NDUFS2: variants seen among roughly 807,000 people sequenced by gnomAD.
NDUFS2 encodes the protein NADH dehydrogenase [ubiquinone] iron-sulfur protein 2, mitochondrial.
NDUFS2 carries 38 observed loss-of-function variants against 69.6 expected under a neutral mutation model. The observed-to-expected ratio is 0.55, with a 90% CI of 0.42 to 0.72. The LOEUF is 0.72. Among genes scored for constraint, NDUFS2 ranks in the 30% least tolerant of loss-of-function variants. NDUFS2 has a pLI of 0.00. For synonymous variants in NDUFS2, 194 were observed against 211.2 expected (o/e 0.92, Z 0.70); for missense variants, 468 against 595.0 (o/e 0.79, Z 2.22).
upstream of NDUFS2, chr1:161,199,400 T>C (rs1182004690): frequency 1.3e-5 from 2 of 152,358 alleles, no homozygotes; most frequent in African/African-American, 2.4e-5. Context: ...CCTGCTCTTA[T>C]AGTCTAACCT....
Position 161,209,535 on chromosome 1 carries a change from A to G in NDUFS2, c.567A>G (p.Thr189=). The change falls in exon 5 of 14, where the codon ACA becomes ACG. Residue 189 remains threonine (T), a synonymous_variant. Transcript: ENST00000676972. The stretch of plus-strand genomic sequence containing the variant: ...TGAACCACATCATGGCTGTGACCAC[A>G]CATGCCCTGGACCTTGGGGCCATGA... ...RLLNHIMAVT[T]HALDLGAMTP... 6.2e-7 allele frequency: 1 copy of G among 1,613,678 alleles called. No homozygotes were observed. Among genetic ancestry groups the G allele is most frequent in the African/African-American group, 1.3e-5 (1 of 74,914 alleles).
At chr1:161,197,951 A>G (rs1325643840), upstream of NDUFS2, 116 of 1,521,144 alleles carry the variant, frequency 7.6e-5, no homozygotes, top group Non-Finnish European at 1.0e-4. Context: ...TAGGACAGAC[A>G]TGGCGGGAGG....
At chr1:161,212,121 C>T (rs1483850157) in intron 9 of NDUFS2, among the ~76,000 whole-genome samples, 1 of 151,598 alleles carries the variant, frequency 6.6e-6, no homozygotes, top group Non-Finnish European at 1.5e-5. Flanking sequence ...GGGAGGATCA[C>T]TTGAGCCCCA....
chr1:161,206,866 G>A (rs1665497011), intron 3 of NDUFS2, among the ~76,000 whole-genome samples: 1 of 152,146 alleles, frequency 6.6e-6, no homozygotes, highest in Non-Finnish European at 1.5e-5. Context: ...GCCATTACTT[G>A]AGTGCCTCAG....
At position 161,208,570 on chromosome 1, in the gene NDUFS2, G is replaced by C. The variant is rs565991169; in HGVS notation, c.394-623G>C. Among the ~76,000 whole-genome samples the C allele has an allele frequency of 3.3e-5, 5 of 152,378 alleles. No individual in the cohort carries two copies. In the South Asian group the frequency reaches 1.0e-3, roughly 32 times the overall value. On this transcript the variant is annotated intron_variant, in intron 3 of 13. Transcript: ENST00000676972. ...CCGCCTCGGCCTCCCAAAGTGTTGG[G>C]ATTACAGGCGTGAGCCACGTGCCCG... is the stretch of plus-strand genomic sequence containing the variant.
At chr1:161,200,164 G>C (rs572245383), upstream of NDUFS2, among the ~76,000 whole-genome samples, 1 of 152,208 alleles carries the variant, frequency 6.6e-6, no homozygotes, top group South Asian at 2.1e-4. Context: ...AATTCTCCCT[G>C]GGGCAGGGAG....
In NDUFS2 at chr1:161,202,373, C is replaced by G. The variant is rs1665177119; in HGVS notation, c.-13C>G. ...GCCCGGTTCTCCTTCCCGCAGTCTG[C>G]AGCCGGAGTAAGATGGCGGCGCTGA... On this transcript the variant is annotated 5_prime_UTR_variant, in exon 1 of 14. Coordinates refer to ENST00000676972, the MANE Select transcript of NDUFS2 (RefSeq NM_001377299.1). The G allele has an allele frequency of 3.7e-6, 6 of 1,607,874 alleles. No homozygotes were observed. The Admixed American group carries it at 1.0e-4, about 27-fold the overall frequency.
chr1:161,210,732 G>T, intron 9 of NDUFS2, 22 bp downstream of exon 9: 2 of 1,613,824 alleles, frequency 1.2e-6, no homozygotes, highest in South Asian at 2.2e-5. Context: ...ATCCTTTCTT[G>T]GCTGATATTC....
At position 161,212,472 on chromosome 1, in the gene NDUFS2, G is replaced by A; in HGVS notation, c.1108G>A (p.Glu370Lys). 6.2e-7 allele frequency: 1 copy of A among 1,613,162 alleles called. No individual in the cohort carries two copies. The highest frequency in any genetic ancestry group is 8.5e-7 in the Non-Finnish European group (1 of 1,179,826). ...CAAAGTGTCTCCACCTAAGCGAGCA[G>A]AGATGAAGGTTGGCTGCAGGGAGGG... ...DAKVSPPKRAEMKTSMESLIH... is the reference protein window; with the variant it reads ...DAKVSPPKRAKMKTSMESLIH... Residue 370 changes from glutamate to lysine, a missense_variant, in exon 10 of 14, where the codon GAG (glutamate) becomes AAG (lysine). Around this residue, in one of 3 missense-constraint regions of NDUFS2, gnomAD observed 339 missense variants for 433.8 expected, o/e 0.78. Coordinates refer to ENST00000676972, the MANE Select transcript of NDUFS2 (RefSeq NM_001377299.1).
chr1:161,210,958 T>G (rs1665739029), intron 9 of NDUFS2, among the ~76,000 whole-genome samples: 1 of 152,226 alleles, frequency 6.6e-6, no homozygotes. Context: ...CACTGCAACC[T>G]CCGCCTCCTG....
intron 3 of NDUFS2, among the ~76,000 whole-genome samples, chr1:161,206,967 G>A (rs1665501706): frequency 6.6e-6 from 1 of 152,162 alleles, no homozygotes; most frequent in Admixed American, 6.5e-5. Context: ...AAGTTTAACA[G>A]CTGATTCTTG....
intron 2 of NDUFS2, 27 bp from the exon 3 acceptor site, chr1:161,206,380 G>A (rs1227795268): frequency 6.2e-7 from 1 of 1,612,202 alleles, no homozygotes; most frequent in Admixed American, 1.7e-5. Context: ...ATAACCATGT[G>A]GCTCTGAACT....
At chr1:161,198,540 G>A, upstream of NDUFS2, 1 of 1,565,648 alleles carries the variant, frequency 6.4e-7, no homozygotes, top group South Asian at 1.2e-5. This position sits in a 1 kb window ranked among gnomAD's most constrained non-coding sequence, Gnocchi z 4.7. Flanking sequence ...CAGGAGAGCG[G>A]CACAATGGGG....
intron 4 of NDUFS2, 31 bp downstream of exon 4, chr1:161,209,344 C>T (rs1207889970): frequency 9.9e-6 from 16 of 1,614,018 alleles, no homozygotes; most frequent in African/African-American, 1.3e-5. Flanking sequence ...CTGTGGCCCA[C>T]TGTGAGCATA....
chr1:161,203,096 C>T (rs1286071991), intron 1 of NDUFS2, among the ~76,000 whole-genome samples: 1 of 152,030 alleles, frequency 6.6e-6, no homozygotes, highest in Non-Finnish European at 1.5e-5. Flanking sequence ...CATCTGAGGT[C>T]GGGAGTTCGA....
At chr1:161,213,767 A>T (rs1665901610) in intron 12 of NDUFS2, 35 bp downstream of exon 12, 1 of 1,613,110 alleles carries the variant, frequency 6.2e-7, no homozygotes, top group African/African-American at 1.3e-5. Flanking sequence ...AACTCCAATG[A>T]ATTAAACCTG....
intron 3 of NDUFS2, 132 bp from the exon 4 acceptor site, chr1:161,209,061 G>A (rs1665628160): frequency 1.6e-6 from 2 of 1,217,456 alleles, no homozygotes; most frequent in East Asian, 2.4e-5. Flanking sequence ...TACCTGCCTT[G>A]TTGGGGCTCC....
Position 161,209,785 on chromosome 1 carries a change from G to T in NDUFS2, c.628-72G>T. ...TTGGTTGGGCACAAGAAGGCAGAAA[G>T]TGGGGGAGTAGGCCATCATAGGACC... is the stretch of plus-strand genomic sequence containing the variant. On this transcript the variant is annotated intron_variant, in intron 5 of 13. Transcript: ENST00000676972. 4 of 1,529,462 alleles carry T rather than the reference G, an allele frequency of 2.6e-6. No homozygotes were observed. The Admixed American group carries it at 7.5e-5, about 28-fold the overall frequency. The allele number at this position is 1,529,462 out of a possible 1,614,324, so 94.7% of individuals were successfully genotyped here.
chr1:161,210,579 T>C lies in NDUFS2; in HGVS notation c.867-12T>C, dbSNP rs753911303. Reference sequence around the variant, plus strand: ...TGGAGAGTGGCCCTTATTCCCATTATGCTCTCCACAGTGGAGTGATGCTTC... The same window carrying C: ...TGGAGAGTGGCCCTTATTCCCATTACGCTCTCCACAGTGGAGTGATGCTTC... On this transcript the variant is annotated splice_polypyrimidine_tract_variant and intron_variant, in intron 8 of 13. Coordinates refer to ENST00000676972, the MANE Select transcript of NDUFS2 (RefSeq NM_001377299.1). 5 of 1,614,142 alleles carry C rather than the reference T, an allele frequency of 3.1e-6. No individual in the cohort carries two copies. The highest frequency in any genetic ancestry group is 4.2e-6 in the Non-Finnish European group (5 of 1,180,020).
Sources: gnomAD v4.1 joint callset for allele counts (sites outside exome capture counted in the v4.1 genomes callset) on GRCh38, gnomAD v4.1.1 for gene constraint, gnomAD v4.1.1 regional missense constraint, Gnocchi (gnomAD v3.1) non-coding constraint, MANE v1.5 for transcripts, NCBI Gene and HGNC (gene_info 2026-07-23, HGNC 2026-07-21) for gene names.